Variants in NRXN1 observed in about 807,000 individuals in gnomAD.
NRXN1 encodes neurexin 1, also known as neurexin-1.
In NRXN1, 39 loss-of-function variants were observed where a neutral mutation model predicts 150.9. The observed-to-expected ratio is 0.26, with a 90% CI of 0.20 to 0.34. The LOEUF is 0.34. Among genes scored for constraint, NRXN1 ranks in the 10% least tolerant of loss-of-function variants. The pLI is 1.00. For synonymous variants in NRXN1, 924 were observed against 757.0 expected, an observed-to-expected ratio of 1.22 and a Z score of -3.62; for missense variants, 1,815 against 1,949.9, an observed-to-expected ratio of 0.93 and a Z score of 1.30.
At chr2:50,818,820 C>G (rs185353820) in intron 5 of NRXN1, among the ~76,000 whole-genome samples, 3 of 152,004 alleles carry the variant, frequency 2.0e-5, no homozygotes, top group African/African-American at 7.2e-5. Context: ...AACTCAATGG[C>G]AGAAACACAA....
intron 17 of NRXN1, among the ~76,000 whole-genome samples, chr2:50,302,207 T>G (rs2074218340): frequency 6.6e-6 from 1 of 152,184 alleles, no homozygotes; most frequent in African/African-American, 2.4e-5. Flanking sequence ...ATTTTTTTCT[T>G]CTTTCCCCAA....
chr2:50,734,422 A>G (rs1698468760), intron 5 of NRXN1, among the ~76,000 whole-genome samples: 1 of 152,160 alleles, frequency 6.6e-6, no homozygotes, highest in Admixed American at 6.6e-5. Flanking sequence ...AGATAAAATG[A>G]CTAACATGAA....
intron 17 of NRXN1, among the ~76,000 whole-genome samples, chr2:50,358,243 C>T (rs574846947): frequency 2.0e-5 from 3 of 152,314 alleles, no homozygotes; most frequent in Admixed American, 6.5e-5. Context: ...CATTCACTCC[C>T]CTGGAAAGGG....
At chr2:50,255,796 CAT>C (rs1220818026) in intron 17 of NRXN1, among the ~76,000 whole-genome samples, 1 of 152,108 alleles carries the variant, frequency 6.6e-6, no homozygotes, top group Non-Finnish European at 1.5e-5. Context: ...TTTTATGACT[CAT>C]GAGGAAGAGA....
At chr2:50,066,754 G>A (rs1028708840) in intron 19 of NRXN1, among the ~76,000 whole-genome samples, 4 of 152,028 alleles carry the variant, frequency 2.6e-5, no homozygotes, top group East Asian at 1.9e-4. Context: ...ACTGAAAATC[G>A]GCAAGAATTT....
chr2:50,172,875 G>A (rs1375079475), intron 18 of NRXN1, among the ~76,000 whole-genome samples: 1 of 152,176 alleles, frequency 6.6e-6, no homozygotes, highest in Non-Finnish European at 1.5e-5. Flanking sequence ...GCTGAGACAG[G>A]AGAATTGCTT....
At chr2:49,941,138 G>C (rs1306156566) in intron 22 of NRXN1, among the ~76,000 whole-genome samples, 4 of 151,890 alleles carry the variant, frequency 2.6e-5, no homozygotes, top group African/African-American at 9.7e-5. Context: ...CTGCTTCATG[G>C]AATTTACCTT....
intron 12 of NRXN1, chr2:50,526,660 C>T (rs890401979): frequency 1.8e-4 from 27 of 152,140 alleles, no homozygotes; most frequent in African/African-American, 5.3e-4. Context: ...TACACCTGCT[C>T]CCTATTCCCC....
intron 17 of NRXN1, among the ~76,000 whole-genome samples, chr2:50,387,462 C>T (rs1351656228): frequency 1.3e-5 from 2 of 152,156 alleles, no homozygotes; most frequent in African/African-American, 2.4e-5. Flanking sequence ...GTGAACAGAA[C>T]TAATAGCAGT....
chr2:50,103,442 C>T (rs997015779), intron 18 of NRXN1, among the ~76,000 whole-genome samples: 4 of 152,018 alleles, frequency 2.6e-5, no homozygotes, highest in African/African-American at 9.7e-5. Flanking sequence ...TTTCACCTTC[C>T]TGTTCACTCA....
Position 49,922,149 on chromosome 2 carries a change from G to A in NRXN1, c.4319C>T (p.Ala1440Val). ...TTGMVVGIVA[A>V]AALCILILLY... ...GAGGATAAGGATGCACAGGGCGGCA[G>A]CGGCTACTATCCCAACGACCATACC... Residue 1440 changes from alanine (A) to valine (V), a missense_variant, in exon 23 of 23, where the codon GCT becomes GTT. Ala to Val is a moderately conservative substitution (Grantham distance 64). Around this residue, in one of 6 missense-constraint regions of NRXN1, gnomAD observed 265 missense variants for 307.1 expected, o/e 0.86. Transcript: ENST00000401669. The A allele has an allele frequency of 1.2e-6, 2 of 1,614,144 alleles. No homozygotes were observed. The highest frequency in any genetic ancestry group is 1.7e-6 in the Non-Finnish European group (2 of 1,180,022).
At chr2:50,394,004 T>C (rs2081904614) in intron 17 of NRXN1, among the ~76,000 whole-genome samples, 1 of 152,158 alleles carries the variant, frequency 6.6e-6, no homozygotes, top group Admixed American at 6.6e-5. Context: ...TTATTCTCTT[T>C]TTTGAAACAC....
chr2:49,979,412 A>G (rs1295459246), intron 21 of NRXN1, among the ~76,000 whole-genome samples: 1 of 152,252 alleles, frequency 6.6e-6, no homozygotes, highest in East Asian at 1.9e-4. Context: ...AGCCTTTGCT[A>G]TCAGGGAGAG....
chr2:50,184,739 A>G (rs1163207270), intron 18 of NRXN1, among the ~76,000 whole-genome samples: 1 of 151,104 alleles, frequency 6.6e-6, no homozygotes, highest in Non-Finnish European at 1.5e-5. Context: ...TTAATTTAAC[A>G]AATACTTATA....
At chr2:49,966,041 A>G (rs995157390) in intron 21 of NRXN1, among the ~76,000 whole-genome samples, 2 of 152,202 alleles carry the variant, frequency 1.3e-5, no homozygotes, top group Non-Finnish European at 2.9e-5. Flanking sequence ...GTTTCTTGAC[A>G]TATGGTAATA....
intron 12 of NRXN1, among the ~76,000 whole-genome samples, chr2:50,520,368 G>A (rs1344154135): frequency 1.3e-5 from 2 of 151,022 alleles, no homozygotes; most frequent in South Asian, 2.1e-4. Flanking sequence ...AATATTGGTG[G>A]GATTGGTTTA....
intron 5 of NRXN1, among the ~76,000 whole-genome samples, chr2:50,647,859 T>C (rs574277273): frequency 6.6e-6 from 1 of 152,074 alleles, no homozygotes; most frequent in East Asian, 1.9e-4. Flanking sequence ...AGAAAAATAC[T>C]CCTTACATTA....
rs575085228 is a variant in NRXN1 at position 50,512,743 on chromosome 2, C to T, written c.2375-6126G>A. Among the ~76,000 whole-genome samples, 5 of 152,248 alleles carry T rather than the reference C, an allele frequency of 3.3e-5. No homozygotes were observed. The East Asian group carries it at 9.7e-4, about 29-fold the overall frequency. On this transcript the variant is annotated intron_variant, in intron 12 of 22. Transcript: ENST00000401669. ...CATTCTTTGACCTTTGCATATCATT[C>T]CTTTCCCTATTTATATTTTTACATA...
At chr2:50,063,007 T>C (rs563254549) in intron 19 of NRXN1, among the ~76,000 whole-genome samples, 6 of 152,338 alleles carry the variant, frequency 3.9e-5, no homozygotes, top group South Asian at 2.1e-4. Context: ...CTGAAAGTCA[T>C]CTATACCACA....
Sources: gnomAD v4.1 joint callset for allele counts (sites outside exome capture counted in the v4.1 genomes callset) on GRCh38, gnomAD v4.1.1 for gene constraint, gnomAD v4.1.1 regional missense constraint, MANE v1.5 for transcripts, NCBI Gene and HGNC (gene_info 2026-07-23, HGNC 2026-07-21) for gene names.